MACROD2: variants seen among roughly 807,000 people sequenced by gnomAD.
The protein encoded by MACROD2 is mono-ADP ribosylhydrolase 2.
Under a neutral mutation model 70.4 loss-of-function variants are expected in MACROD2, and 36 were observed. The observed-to-expected ratio is 0.51, with a 90% CI of 0.39 to 0.68. The LOEUF (loss-of-function observed/expected upper bound fraction) is 0.68, where lower values mean the gene tolerates loss of function less well. Ranked by LOEUF, MACROD2 falls within the 30% of genes least tolerant of loss-of-function variation. MACROD2 has a pLI of 0.00. For synonymous variants in MACROD2, 172 were observed against 178.8 expected, an observed-to-expected ratio of 0.96 and a Z score of 0.30; for missense variants, 496 against 538.4, an observed-to-expected ratio of 0.92 and a Z score of 0.78.
intron 7 of MACROD2, among the ~76,000 whole-genome samples, chr20:15,491,734 A>G (rs1289321348): frequency 6.6e-6 from 1 of 152,192 alleles, no homozygotes; most frequent in Non-Finnish European, 1.5e-5. Flanking sequence ...CCTGCCCTAC[A>G]TGTGGCAAAG....
intron 5 of MACROD2, among the ~76,000 whole-genome samples, chr20:15,032,946 A>T (rs2075286618): frequency 6.6e-6 from 1 of 152,246 alleles, no homozygotes. Context: ...TGAAAACATT[A>T]TGCTAAGTGC....
chr20:15,350,418 G>A (rs973867259), intron 6 of MACROD2, among the ~76,000 whole-genome samples: 1 of 152,138 alleles, frequency 6.6e-6, no homozygotes, highest in Non-Finnish European at 1.5e-5. Context: ...TCAACTTTTA[G>A]TTCTCACCTG....
chr20:14,666,149 C>G (rs1157900233), intron 4 of MACROD2, among the ~76,000 whole-genome samples: 1 of 152,064 alleles, frequency 6.6e-6, no homozygotes, highest in African/African-American at 2.4e-5. Context: ...GGATAAGAAG[C>G]AAATATGCTT....
intron 8 of MACROD2, among the ~76,000 whole-genome samples, chr20:15,836,902 A>G (rs981971688): frequency 2.0e-5 from 3 of 152,238 alleles, no homozygotes; most frequent in Admixed American, 6.5e-5. Context: ...TGTATTACAA[A>G]GATTGTGCCT....
chr20:15,688,593 T>C (rs1192032389), intron 8 of MACROD2, among the ~76,000 whole-genome samples: 6 of 152,202 alleles, frequency 3.9e-5, no homozygotes. Flanking sequence ...CATAGATTTG[T>C]GATTCCATAT....
intron 5 of MACROD2, among the ~76,000 whole-genome samples, chr20:15,030,352 T>C (rs961897371): frequency 1.3e-5 from 2 of 152,134 alleles, no homozygotes; most frequent in Admixed American, 6.5e-5. Context: ...TAGTCCCAGG[T>C]ATTCGGAAGA....
chr20:14,152,389 T>G (rs1406633373), intron 3 of MACROD2, among the ~76,000 whole-genome samples: 1 of 151,840 alleles, frequency 6.6e-6, no homozygotes, highest in Non-Finnish European at 1.5e-5. Context: ...ATAATTGCAT[T>G]TTTAGTATTT....
At chr20:15,624,447 C>T (rs2049173146) in intron 8 of MACROD2, among the ~76,000 whole-genome samples, 1 of 152,184 alleles carries the variant, frequency 6.6e-6, no homozygotes, top group African/African-American at 2.4e-5. Context: ...AGATAAATCC[C>T]TGGACTTCAA....
chr20:15,015,734 G>A (rs192490253), intron 5 of MACROD2, among the ~76,000 whole-genome samples: 52 of 152,316 alleles, frequency 3.4e-4, no homozygotes, highest in Non-Finnish European at 6.3e-4. Flanking sequence ...AAACAGGTCA[G>A]CCCCTCACTG....
At chr20:14,652,792 A>G (rs149733469) in intron 4 of MACROD2, among the ~76,000 whole-genome samples, 2 of 152,300 alleles carry the variant, frequency 1.3e-5, no homozygotes, top group African/African-American at 4.8e-5. Context: ...ATGACCTTCC[A>G]TTAATTTTCT....
chr20:15,028,898 G>A (rs2075253881), intron 5 of MACROD2, among the ~76,000 whole-genome samples: 1 of 152,180 alleles, frequency 6.6e-6, no homozygotes, highest in Non-Finnish European at 1.5e-5. Context: ...TGGAGAAATG[G>A]GCAAGGAAGA....
rs76230775 is a variant in MACROD2, at chr20:14,863,677, A to G, written c.418+178718A>G. On this transcript the variant is annotated intron_variant, in intron 5 of 17. Transcript: ENST00000684519. ...CATTAATATCATGCATAGAGATTCT[A>G]TTAATAACATTTGTCAGCCACTATT... Among the ~76,000 whole-genome samples, 1,509 of 152,230 alleles carry G rather than the reference A, an allele frequency of 9.9e-3. 28 individuals are homozygous for G. Among genetic ancestry groups the G allele is most frequent in the African/African-American group, 0.034 (1,421 of 41,546 alleles).
At chr20:14,325,206 G>A (rs751678983) in intron 3 of MACROD2, 4 of 168,384 alleles carry the variant, frequency 2.4e-5, no homozygotes, top group African/African-American at 4.8e-5. Flanking sequence ...CTGATTGTTC[G>A]ACACAGCAAG....
chr20:14,692,719 T>C (rs964549610), intron 5 of MACROD2, among the ~76,000 whole-genome samples: 3 of 152,176 alleles, frequency 2.0e-5, no homozygotes, highest in Admixed American at 6.5e-5. Context: ...TGTTATCCCA[T>C]CACCAAACAT....
chr20:15,535,643 C>T (rs997779031), intron 8 of MACROD2, among the ~76,000 whole-genome samples: 14 of 152,180 alleles, frequency 9.2e-5, no homozygotes, highest in African/African-American at 2.9e-4. Flanking sequence ...GAGTGAGCCA[C>T]AATGGATGGT....
intron 3 of MACROD2, among the ~76,000 whole-genome samples, chr20:14,465,983 A>G (rs1238076260): frequency 1.3e-5 from 2 of 152,034 alleles, no homozygotes; most frequent in East Asian, 3.9e-4. Flanking sequence ...CCTTCATTTC[A>G]ACTTTGGTGA....
At chr20:14,763,284 C>T (rs1267087559) in intron 5 of MACROD2, among the ~76,000 whole-genome samples, 1 of 152,046 alleles carries the variant, frequency 6.6e-6, no homozygotes, top group Admixed American at 6.6e-5. Flanking sequence ...AAAAACTTGT[C>T]GCTCATTTGG....
intron 8 of MACROD2, among the ~76,000 whole-genome samples, chr20:15,851,138 G>A (rs560088647): frequency 6.6e-6 from 1 of 152,060 alleles, no homozygotes; most frequent in East Asian, 1.9e-4. Flanking sequence ...AGACTGAGAG[G>A]GGAATTGCAA....
chr20:14,691,318 T>G (rs1228446394), intron 5 of MACROD2, among the ~76,000 whole-genome samples: 1 of 152,238 alleles, frequency 6.6e-6, no homozygotes. Flanking sequence ...GTTGATAAAG[T>G]TGAGACTAAA....
Sources: allele counts gnomAD v4.1 joint callset (sites outside exome capture counted in the v4.1 genomes callset), GRCh38; gene constraint gnomAD v4.1.1; transcripts MANE v1.5; gene names NCBI Gene and HGNC (gene_info 2026-07-23, HGNC 2026-07-21).